The following FMNL2 variants were observed in gnomAD, a reference collection of about 807,000 sequenced individuals.
The protein encoded by FMNL2 is formin like 2.
In FMNL2, 51 loss-of-function variants were observed where a neutral mutation model predicts 130.2. The observed-to-expected ratio is 0.39, with a 90% CI of 0.31 to 0.49. The LOEUF (loss-of-function observed/expected upper bound fraction) is 0.49. FMNL2 is among the 20% of genes least tolerant of loss of function. The pLI is 0.85. For synonymous variants in FMNL2, 465 were observed against 467.1 expected (o/e 1.00, Z 0.06); for missense variants, 977 against 1,316.2 (o/e 0.74, Z 3.99).
At chr2:152,424,170 T>G (rs956087265) in intron 1 of FMNL2, among the ~76,000 whole-genome samples, 5 of 152,142 alleles carry the variant, frequency 3.3e-5, no homozygotes, top group Non-Finnish European at 7.4e-5. Context: ...CTCTAGTTTT[T>G]GTTTAGCATT....
chr2:152,522,098 TG>T, intron 2 of FMNL2, 72 bp downstream of exon 2: 2 of 1,236,570 alleles, frequency 1.6e-6, no homozygotes, highest in Non-Finnish European at 2.3e-6. Flanking sequence ...TTTTATGGTA[TG>T]TCAATATCAT....
chr2:152,593,238 AAAACAAAC>A (rs369690552), intron 9 of FMNL2, among the ~76,000 whole-genome samples: 8 of 152,170 alleles, frequency 5.3e-5, no homozygotes, highest in South Asian at 2.1e-4. Flanking sequence ...ACCTGTGATT[AAAACAAAC>A]AAACAAACAA....
chr2:152,640,148 G>A, intron 24 of FMNL2, 92 bp downstream of exon 24: 1 of 1,121,488 alleles, frequency 8.9e-7, no homozygotes, highest in South Asian at 1.7e-5. Context: ...CAAGCCAGGT[G>A]TGCCCAGGAT....
chr2:152,543,225 C>CA (rs1694409066), intron 3 of FMNL2, among the ~76,000 whole-genome samples: 1 of 152,210 alleles, frequency 6.6e-6, no homozygotes, highest in African/African-American at 2.4e-5. Context: ...CCCAGCTGTG[C>CA]ACTCACATCC....
At chr2:152,617,696 T>C (rs1699030477) in intron 13 of FMNL2, among the ~76,000 whole-genome samples, 1 of 152,222 alleles carries the variant, frequency 6.6e-6, no homozygotes, top group Non-Finnish European at 1.5e-5. Flanking sequence ...TCCATTTTAT[T>C]ATCAGCTAAT....
At chr2:152,335,825 A>G (rs1271663655) in intron 1 of FMNL2, 105 bp downstream of exon 1, 5 of 766,904 alleles carry the variant, frequency 6.5e-6, no homozygotes, top group East Asian at 3.7e-5. Context: ...GCGAGCCTCC[A>G]TTCCCGAGGG....
intron 1 of FMNL2, among the ~76,000 whole-genome samples, chr2:152,350,509 G>A (rs1341860018): frequency 1.3e-5 from 2 of 152,220 alleles, no homozygotes; most frequent in Non-Finnish European, 2.9e-5. Flanking sequence ...GACTGTTTGA[G>A]AATGGACTGT....
rs762889514 is a variant in FMNL2 at position 152,615,011 on chromosome 2, C to T, written c.1212+11C>T. 2 of 1,604,886 alleles carry T rather than the reference C, an allele frequency of 1.2e-6. No homozygotes were observed. Among genetic ancestry groups the T allele is most frequent in the Middle Eastern group, 1.7e-4 (1 of 6,042 alleles). On this transcript the variant is annotated intron_variant, in intron 12 of 25. Transcript: ENST00000288670. ...GAAAACATTTCTCATGTAACTATAT[C>T]TCAGAAAAGGAAAAATTGCTTACAT...
chr2:152,456,742 G>C (rs556478110), intron 1 of FMNL2, among the ~76,000 whole-genome samples: 1 of 152,118 alleles, frequency 6.6e-6, no homozygotes, highest in East Asian at 1.9e-4. Context: ...AGGAGTTTGA[G>C]ACCAGCCTGA....
At chr2:152,403,413 C>G (rs1685815895) in intron 1 of FMNL2, among the ~76,000 whole-genome samples, 2 of 152,092 alleles carry the variant, frequency 1.3e-5, no homozygotes, top group Admixed American at 6.5e-5. Context: ...TTTATGTATT[C>G]AGTCATTTGT....
chr2:152,587,765 A>G (rs1488323324), intron 9 of FMNL2, among the ~76,000 whole-genome samples: 3 of 152,220 alleles, frequency 2.0e-5, no homozygotes. Context: ...TTACTGAAAA[A>G]AATGTGAGTG....
intron 9 of FMNL2, among the ~76,000 whole-genome samples, chr2:152,597,444 T>TATC (rs1312799592): frequency 1.3e-5 from 2 of 152,210 alleles, no homozygotes; most frequent in Non-Finnish European, 2.9e-5. Flanking sequence ...TCATCTAGAG[T>TATC]ATCATAAAGA....
At chr2:152,552,501 T>C (rs1694991109) in intron 4 of FMNL2, among the ~76,000 whole-genome samples, 1 of 152,332 alleles carries the variant, frequency 6.6e-6, no homozygotes, top group East Asian at 1.9e-4. Flanking sequence ...TTTCCCAAGA[T>C]AACATTCTGA....
chr2:152,404,622 A>G (rs7561292), intron 1 of FMNL2, among the ~76,000 whole-genome samples: 2 of 152,132 alleles, frequency 1.3e-5, no homozygotes, highest in African/African-American at 2.4e-5. Context: ...ATTTTTCTGC[A>G]GAGTTCTCCA....
intron 1 of FMNL2, among the ~76,000 whole-genome samples, chr2:152,480,557 C>T (rs916423530): frequency 7.7e-5 from 11 of 142,226 alleles, no homozygotes; most frequent in Non-Finnish European, 1.5e-4. Flanking sequence ...ATTGCTTGAA[C>T]CTGGGAGGCG....
chr2:152,354,056 A>G (rs1002760960), intron 1 of FMNL2, among the ~76,000 whole-genome samples: 3 of 152,014 alleles, frequency 2.0e-5, no homozygotes, highest in Non-Finnish European at 4.4e-5. Flanking sequence ...ACTCTTGTAT[A>G]TTTTGTTCTT....
intron 1 of FMNL2, among the ~76,000 whole-genome samples, chr2:152,458,161 C>T (rs149620583): frequency 3.9e-5 from 6 of 152,306 alleles, no homozygotes; most frequent in African/African-American, 1.4e-4. Context: ...GGGGCTTGGC[C>T]CTTTCTGTAG....
intron 4 of FMNL2, among the ~76,000 whole-genome samples, chr2:152,555,040 G>A (rs1695130411): frequency 6.6e-6 from 1 of 152,084 alleles, no homozygotes; most frequent in Admixed American, 6.6e-5. Flanking sequence ...AAGTGAAGCT[G>A]GCCTTTTCCC....
intron 12 of FMNL2, among the ~76,000 whole-genome samples, chr2:152,615,825 CATTT>C (rs1222071436): frequency 6.6e-6 from 1 of 152,074 alleles, no homozygotes; most frequent in Non-Finnish European, 1.5e-5. Context: ...TTGAACAGTT[CATTT>C]ATTTTTCTCC....
Sources: gnomAD v4.1 joint callset for allele counts (sites outside exome capture counted in the v4.1 genomes callset) on GRCh38, gnomAD v4.1.1 for gene constraint, MANE v1.5 for transcripts, NCBI Gene and HGNC (gene_info 2026-07-23, HGNC 2026-07-21) for gene names.